Variants in NRXN3 observed in about 807,000 individuals in gnomAD.
NRXN3 encodes the protein neurexin III.
A neutral mutation model predicts 137.6 loss-of-function variants in NRXN3; 32 were observed. That is an observed-to-expected ratio of 0.23 (90% CI 0.18 to 0.31). The LOEUF (loss-of-function observed/expected upper bound fraction) is 0.31, where lower values mean the gene tolerates loss of function less well. NRXN3 is among the 10% of genes least tolerant of loss of function. NRXN3 has a pLI of 1.00. For missense variants in NRXN3, 1,574 were observed against 2,062.5 expected (o/e 0.76, Z 4.59); for synonymous variants, 798 against 784.5 (o/e 1.02, Z -0.29).
chr14:79,229,393 CAG>C (rs1057388700), intron 15 of NRXN3, among the ~76,000 whole-genome samples: 6 of 152,168 alleles, frequency 3.9e-5, no homozygotes, highest in African/African-American at 1.4e-4. Flanking sequence ...AAGGGGCACA[CAG>C]CCCCGGGAAA....
At chr14:79,500,174 C>T (rs893924786) in intron 16 of NRXN3, among the ~76,000 whole-genome samples, 1 of 140,916 alleles carries the variant, frequency 7.1e-6, no homozygotes, top group Admixed American at 7.7e-5. Context: ...AGATGAATTT[C>T]TCATATGGGC....
At chr14:78,180,847 G>A (rs555670108) in intron 1 of NRXN3, among the ~76,000 whole-genome samples, 13 of 152,318 alleles carry the variant, frequency 8.5e-5, no homozygotes, top group African/African-American at 2.9e-4. Context: ...TGGGGTGTTT[G>A]TGGTGGTTGG....
intron 20 of NRXN3, among the ~76,000 whole-genome samples, chr14:79,849,968 T>C (rs17109935): frequency 0.16 from 24,495 of 152,182 alleles, 2,222 homozygotes; most frequent in East Asian, 0.39. Flanking sequence ...TCCATGTCCA[T>C]GTACAGGGTT....
At chr14:78,224,649 C>T (rs1279803866) in intron 1 of NRXN3, among the ~76,000 whole-genome samples, 2 of 151,318 alleles carry the variant, frequency 1.3e-5, no homozygotes, top group African/African-American at 2.4e-5. Flanking sequence ...TGTATATGTG[C>T]CACATTTTCT....
chr14:78,512,224 G>A (rs1252474366), intron 4 of NRXN3, among the ~76,000 whole-genome samples: 1 of 152,066 alleles, frequency 6.6e-6, no homozygotes, highest in East Asian at 1.9e-4. Context: ...CCATCCTAGA[G>A]CATACAGCCC....
chr14:78,791,150 C>T (rs1052154218), intron 8 of NRXN3, among the ~76,000 whole-genome samples: 6 of 152,130 alleles, frequency 3.9e-5, no homozygotes, highest in Non-Finnish European at 7.4e-5. Flanking sequence ...CCTTATCACA[C>T]CTAAAACAAC....
rs1212917816 is a variant in NRXN3 at position 79,853,423 on chromosome 14, G to C, written c.4094-7919G>C. 5 of 265,628 alleles carry C rather than the reference G, an allele frequency of 1.9e-5. No individual in the cohort carries two copies. The East Asian group carries it at 5.4e-4, about 29-fold the overall frequency. The allele number at this position is 265,628 out of a possible 1,614,324, so 16.5% of individuals were successfully genotyped here. A position where few individuals can be genotyped will look rare whatever the true frequency, so the allele number is the denominator to read the frequency against. ...ATTTTTGGAGTAATTGCATGTTGAA[G>C]AAGTTGCAGCTTAGGGTGTGTGAGA... On this transcript the variant is annotated intron_variant, in intron 20 of 20. Coordinates refer to ENST00000335750, the MANE Select transcript of NRXN3 (RefSeq NM_001330195.2).
intron 15 of NRXN3, among the ~76,000 whole-genome samples, chr14:79,146,145 T>C (rs376714506): frequency 5.8e-4 from 88 of 152,284 alleles, no homozygotes; most frequent in African/African-American, 1.8e-3. Context: ...TAAGTCCCAA[T>C]AGTCCCCATT....
intron 16 of NRXN3, among the ~76,000 whole-genome samples, chr14:79,524,998 G>A (rs1398436197): frequency 6.6e-6 from 1 of 152,084 alleles, no homozygotes; most frequent in East Asian, 1.9e-4. Context: ...TCTGAAATGG[G>A]GGTCTTATGA....
In NRXN3 at chr14:79,220,626, G is replaced by A. The variant is rs76429746; in HGVS notation, c.3262+232485G>A. ...ACCACTGTCAAGTAATCTTTTTACTGTCCCCATAGTTTTGCATTTTCTAGA... is the reference window on the plus strand; with the variant it reads ...ACCACTGTCAAGTAATCTTTTTACTATCCCCATAGTTTTGCATTTTCTAGA... On this transcript the variant is annotated intron_variant, in intron 15 of 20. Coordinates refer to ENST00000335750, the MANE Select transcript of NRXN3 (RefSeq NM_001330195.2). 8.1e-3 allele frequency among the ~76,000 whole-genome samples: 1,227 copies of A among 152,078 alleles called. 34 individuals are homozygous for A. The South Asian group carries it at 0.086, about 11-fold the overall frequency.
At chr14:78,509,429 C>T (rs1243430358) in intron 4 of NRXN3, among the ~76,000 whole-genome samples, 1 of 152,194 alleles carries the variant, frequency 6.6e-6, no homozygotes, top group Non-Finnish European at 1.5e-5. Context: ...ATGAGACTTA[C>T]ATGAGATCAG....
intron 19 of NRXN3, among the ~76,000 whole-genome samples, chr14:79,795,769 G>A (rs925703857): frequency 6.6e-6 from 1 of 152,022 alleles, no homozygotes; most frequent in Non-Finnish European, 1.5e-5. Flanking sequence ...ATTTCTAGAA[G>A]TTGTATTTTA....
chr14:78,379,968 TTAAAA>T (rs2088724582), intron 4 of NRXN3, among the ~76,000 whole-genome samples: 1 of 152,056 alleles, frequency 6.6e-6, no homozygotes, highest in East Asian at 1.9e-4. Context: ...GACATCAAAA[TTAAAA>T]TATGATGCCA....
chr14:78,993,692 A>G (rs1308746008), intron 15 of NRXN3, among the ~76,000 whole-genome samples: 1 of 152,168 alleles, frequency 6.6e-6, no homozygotes, highest in Non-Finnish European at 1.5e-5. Context: ...GGGGAAAGAC[A>G]CATATGAAGG....
At chr14:79,591,468 T>A (rs976253544) in intron 16 of NRXN3, among the ~76,000 whole-genome samples, 5 of 152,170 alleles carry the variant, frequency 3.3e-5, no homozygotes, top group Admixed American at 2.0e-4. Context: ...TTCCACAGCA[T>A]CACAATTGTC....
chr14:78,354,782 G>T (rs1260303212), intron 4 of NRXN3, among the ~76,000 whole-genome samples: 2 of 152,208 alleles, frequency 1.3e-5, no homozygotes, highest in East Asian at 3.8e-4. Flanking sequence ...CCAGTAAGAA[G>T]GTTTATGTGC....
At chr14:78,500,670 C>T (rs1216349157) in intron 4 of NRXN3, among the ~76,000 whole-genome samples, 1 of 152,116 alleles carries the variant, frequency 6.6e-6, no homozygotes, top group Non-Finnish European at 1.5e-5. Context: ...ACCTTAGGGT[C>T]CTAAGAGAAG....
At chr14:78,742,405 A>G (rs1369999751) in intron 8 of NRXN3, among the ~76,000 whole-genome samples, 1 of 152,246 alleles carries the variant, frequency 6.6e-6, no homozygotes, top group Non-Finnish European at 1.5e-5. Flanking sequence ...AAATTCTATT[A>G]AGAACTATTT....
intron 15 of NRXN3, among the ~76,000 whole-genome samples, chr14:79,052,525 A>G (rs1288752915): frequency 1.3e-5 from 2 of 152,182 alleles, no homozygotes; most frequent in Non-Finnish European, 2.9e-5. Context: ...GTCCTGATGG[A>G]TTGAGACACA....
Sources: allele counts gnomAD v4.1 joint callset (sites outside exome capture counted in the v4.1 genomes callset), GRCh38; gene constraint gnomAD v4.1.1; transcripts MANE v1.5; gene names NCBI Gene and HGNC (gene_info 2026-07-23, HGNC 2026-07-21).